GPT2: variants seen among roughly 807,000 people sequenced by gnomAD.
The protein encoded by GPT2 is alanine aminotransferase 2.
A neutral mutation model predicts 56.9 loss-of-function variants in GPT2; 30 were observed. The observed-to-expected ratio is 0.53, with a 90% confidence interval of 0.39 to 0.72. The LOEUF is 0.72. Ranked by LOEUF, GPT2 falls within the 30% of genes least tolerant of loss-of-function variation. The pLI is 0.00. For synonymous variants in GPT2, 271 were observed against 283.1 expected (o/e 0.96, Z 0.43); for missense variants, 542 against 703.4 (o/e 0.77, Z 2.60).
intron 10 of GPT2, among the ~76,000 whole-genome samples, chr16:46,925,228 T>TG (rs989949469): frequency 2.0e-5 from 3 of 149,088 alleles, no homozygotes; most frequent in African/African-American, 7.4e-5. Context: ...TTGTTTTTTG[T>TG]TTTTTTTTTC....
rs1960439529 is a variant in GPT2 at position 46,884,455 on chromosome 16, C to G, written c.-35C>G. The G allele has an allele frequency of 3.0e-6, 1 of 332,934 alleles. No homozygotes were observed. Among genetic ancestry groups the G allele is most frequent in the African/African-American group, 2.1e-5 (1 of 46,690 alleles). The allele number at this position is 332,934 out of a possible 1,614,324, so 20.6% of individuals were successfully genotyped here. ...GCTAACCGAGTGCGGCGAGGGCCTA[C>G]CAGGGGCGACAGGCACGTTGCATGC... is the stretch of plus-strand genomic sequence containing the variant. On this transcript the variant is annotated 5_prime_UTR_variant, in exon 1 of 12. Coordinates refer to ENST00000340124, the MANE Select transcript of GPT2 (RefSeq NM_133443.4).
intron 9 of GPT2, 107 bp from the exon 10 acceptor site, chr16:46,924,282 C>A: frequency 7.8e-7 from 1 of 1,285,344 alleles, no homozygotes; most frequent in Non-Finnish European, 1.1e-6. Flanking sequence ...AAAGCTGGAG[C>A]AAAGTCATCA....
intron 4 of GPT2, 104 bp downstream of exon 4, chr16:46,900,894 G>A (rs1032491744): frequency 2.4e-5 from 20 of 830,796 alleles, no homozygotes; most frequent in Middle Eastern, 2.8e-4. Flanking sequence ...GTGTGTGAAC[G>A]TGTGTGGGTG....
At chr16:46,902,704 C>T (rs981994178) in intron 4 of GPT2, among the ~76,000 whole-genome samples, 3 of 152,146 alleles carry the variant, frequency 2.0e-5, no homozygotes, top group African/African-American at 4.8e-5. Flanking sequence ...TGGTTCACTG[C>T]AACCTCTGCC....
In GPT2 at chr16:46,922,332, C is replaced by A. The variant is rs918264978; in HGVS notation, c.1128C>A (p.Cys376Ter). The A allele has an allele frequency of 1.9e-6, 3 of 1,613,944 alleles. No homozygotes were observed. Among genetic ancestry groups the A allele is most frequent in the Non-Finnish European group, 2.5e-6 (3 of 1,179,962 alleles). Reference sequence around the variant, plus strand: ...TGAAGCTGCTGTCGGTGCGCCTGTGCCCCCCAGTGTCTGGGCAGGCCGCCA... The same window carrying A: ...TGAAGCTGCTGTCGGTGCGCCTGTGACCCCCAGTGTCTGGGCAGGCCGCCA... ...QLVKLLSVRLCPPVSGQAAMD... is the reference protein window; with the variant it reads ...QLVKLLSVRL The change falls in exon 9 of 12, where the codon TGC becomes TGA. Residue 376 changes from cysteine (C) to a stop codon, truncating the protein, a stop_gained. Coordinates refer to ENST00000340124, the MANE Select transcript of GPT2 (RefSeq NM_133443.4). LOFTEE classifies it high-confidence loss of function.
At chr16:46,894,663 G>A (rs1221290154) in intron 2 of GPT2, among the ~76,000 whole-genome samples, 1 of 152,062 alleles carries the variant, frequency 6.6e-6, no homozygotes, top group African/African-American at 2.4e-5. Context: ...GGATGCCACT[G>A]GGAATCTTTT....
intron 6 of GPT2, among the ~76,000 whole-genome samples, chr16:46,912,429 A>C (rs1567339853): frequency 6.6e-6 from 1 of 152,170 alleles, no homozygotes; most frequent in Admixed American, 6.5e-5. Context: ...GAGTTTCACC[A>C]TTCCCAAGTT....
chr16:46,887,013 C>G (rs1960496624), intron 2 of GPT2, among the ~76,000 whole-genome samples: 1 of 152,168 alleles, frequency 6.6e-6, no homozygotes, highest in South Asian at 2.1e-4. Context: ...TCATTGAAAC[C>G]CTTCCTTCTT....
At chr16:46,894,366 A>C (rs1443856632) in intron 2 of GPT2, among the ~76,000 whole-genome samples, 1 of 152,244 alleles carries the variant, frequency 6.6e-6, no homozygotes, top group East Asian at 1.9e-4. Flanking sequence ...TCCACATCCC[A>C]GAAATCACCC....
intron 11 of GPT2, among the ~76,000 whole-genome samples, chr16:46,927,551 C>T (rs1010603634): frequency 1.3e-5 from 2 of 152,204 alleles, no homozygotes; most frequent in Non-Finnish European, 2.9e-5. Context: ...TGCCGGTGCC[C>T]AGAGCTGAGC....
chr16:46,893,469 G>A (rs754777392), intron 2 of GPT2, among the ~76,000 whole-genome samples: 5 of 152,162 alleles, frequency 3.3e-5, no homozygotes, highest in Non-Finnish European at 7.3e-5. Context: ...GGTTGAGTCC[G>A]CAGATGCTGG....
chr16:46,893,630 T>G (rs1303042708), intron 2 of GPT2, among the ~76,000 whole-genome samples: 2 of 152,316 alleles, frequency 1.3e-5, no homozygotes, highest in African/African-American at 4.8e-5. Flanking sequence ...TTATTCTCCC[T>G]GCTAACACCC....
chr16:46,908,058 G>A (rs1960971391), intron 5 of GPT2, among the ~76,000 whole-genome samples: 1 of 151,138 alleles, frequency 6.6e-6, no homozygotes, highest in Non-Finnish European at 1.5e-5. Context: ...GGGACTGGTA[G>A]AGCCTGCAGT....
chr16:46,914,923 T>C (rs1961112583), intron 6 of GPT2, among the ~76,000 whole-genome samples: 1 of 152,108 alleles, frequency 6.6e-6, no homozygotes, highest in Non-Finnish European at 1.5e-5. Context: ...TTCCTGCTCT[T>C]TGTTTTATTT....
rs760546428 is a variant in GPT2 at position 46,924,431 on chromosome 16, C to G, written c.1255C>G (p.Leu419Val). 1.2e-6 allele frequency: 2 copies of G among 1,614,100 alleles called. No homozygotes were observed. Among genetic ancestry groups the G allele is most frequent in the Non-Finnish European group, 1.7e-6 (2 of 1,180,026 alleles). Residue 419 changes from leucine to valine, a missense_variant, in exon 10 of 12, where the codon CTG (leucine) becomes GTG (valine). Leu to Val is a conservative substitution (Grantham distance 32). Coordinates refer to ENST00000340124, the MANE Select transcript of GPT2 (RefSeq NM_133443.4). ...VLGNLAKKAK[L>V]TEDLFNQVPG... ...GGGTAATCTGGCCAAAAAAGCAAAG[C>G]TGACGGAAGACCTGTTTAACCAAGT...
rs34068415 is a variant in GPT2, at chr16:46,924,397, G to C, written c.1221G>C (p.Glu407Asp). Residue 407 changes from glutamate (E) to aspartate (D), a missense_variant, in exon 10 of 12, where the codon GAG (glutamate) becomes GAC (aspartate). Transcript: ENST00000340124. ...ESFEQFSREK[E>D]SVLGNLAKKA... ...TTTCCATCTCTCATCAGGAGAAGGA[G>C]TCGGTCCTGGGTAATCTGGCCAAAA... 1 of 1,614,186 alleles carries C rather than the reference G, an allele frequency of 6.2e-7. No individual in the cohort carries two copies. Among genetic ancestry groups the C allele is most frequent in the South Asian group, 1.1e-5 (1 of 91,080 alleles).
At position 46,885,114 on chromosome 16, in the gene GPT2, G is replaced by A. The variant is rs923357362; in HGVS notation, c.243+156G>A. 24 of 1,349,716 alleles carry A rather than the reference G, an allele frequency of 1.8e-5. No homozygotes were observed. The South Asian group carries it at 4.4e-4, about 25-fold the overall frequency. 83.6% of individuals were successfully genotyped at this position (1,349,716 alleles called of 1,614,324 possible). A position where few individuals can be genotyped will look rare whatever the true frequency, so the allele number is the denominator to read the frequency against. On this transcript the variant is annotated intron_variant, in intron 2 of 11. Coordinates refer to ENST00000340124, the MANE Select transcript of GPT2 (RefSeq NM_133443.4). The stretch of plus-strand genomic sequence containing the variant: ...AACGAGAGAATGCCCCCTCCCGCCC[G>A]TTCACTTACTGGTGCCCAGCACCGG...
chr16:46,911,422 T>G (rs1236516513), intron 6 of GPT2, among the ~76,000 whole-genome samples: 1 of 152,178 alleles, frequency 6.6e-6, no homozygotes, highest in Non-Finnish European at 1.5e-5. Context: ...ACCCCTTGAA[T>G]TCCCGAGTGC....
At chr16:46,888,724 A>C (rs1261816851) in intron 2 of GPT2, among the ~76,000 whole-genome samples, 1 of 152,068 alleles carries the variant, frequency 6.6e-6, no homozygotes, top group Non-Finnish European at 1.5e-5. Context: ...ATCATGACTC[A>C]CTGCAGCCTT....
Sources: allele counts gnomAD v4.1 joint callset (sites outside exome capture counted in the v4.1 genomes callset), GRCh38; gene constraint gnomAD v4.1.1; transcripts MANE v1.5; gene names NCBI Gene and HGNC (gene_info 2026-07-23, HGNC 2026-07-21).